Variants in TAF1 observed in about 807,000 individuals in gnomAD.
TAF1 encodes transcription initiation factor TFIID subunit 1.
In TAF1, 2 loss-of-function variants were observed where a neutral mutation model predicts 138.5. The observed-to-expected ratio is 0.01, with a 90% CI of 0.01 to 0.05. The LOEUF (loss-of-function observed/expected upper bound fraction) is 0.05. TAF1 is among the 10% of genes least tolerant of loss of function. The pLI is 1.00. For missense variants in TAF1, 709 were observed against 1,478.0 expected (o/e 0.48, Z 8.53); for synonymous variants, 437 against 503.2 (o/e 0.87, Z 1.76).
chrX:71,442,266 G>T (rs2037468634), intron 32 of TAF1, among the ~76,000 whole-genome samples: 1 of 112,313 alleles, frequency 8.9e-6, no homozygotes, highest in Non-Finnish European at 1.9e-5. Context: ...GATTGAACTG[G>T]TTTACATTCC....
chrX:71,460,529 T>C (rs1414580711), intron 36 of TAF1, 97 bp from the exon 37 acceptor site: 3 of 991,337 alleles, frequency 3.0e-6, no homozygotes, highest in Middle Eastern at 2.6e-4. Flanking sequence ...CCTGTGTAGA[T>C]GTGTGAGAGT....
In TAF1 at chrX:71,420,184, A is replaced by G. The variant is rs764112245; in HGVS notation, c.4385-1125A>G. ...TGGAATCGAGAGAGGGAACTGCTGT[A>G]GTTGGTGGTCCGGGCATGGTAGCGG... is the stretch of plus-strand genomic sequence containing the variant. On this transcript the variant is annotated intron_variant, in intron 28 of 37. Coordinates refer to ENST00000423759, the MANE Select transcript of TAF1 (RefSeq NM_004606.5). 53 of 551,074 alleles carry G rather than the reference A, an allele frequency of 9.6e-5. No homozygotes were observed. In the South Asian group the frequency reaches 1.1e-3, roughly 12 times the overall value. The allele number at this position is 551,074 out of a possible 1,213,427, so 45.4% of individuals were successfully genotyped here. A position where few individuals can be genotyped will look rare whatever the true frequency, so the allele number is the denominator to read the frequency against.
chrX:71,421,115 A>G (rs1569328763), intron 28 of TAF1, among the ~76,000 whole-genome samples, 194 bp from the exon 29 acceptor site: 1 of 112,849 alleles, frequency 8.9e-6, no homozygotes, highest in Admixed American at 9.4e-5. Flanking sequence ...TAGTTTATTC[A>G]TTCATATTGT....
intron 13 of TAF1, among the ~76,000 whole-genome samples, chrX:71,524,675 G>T (rs1161153160): frequency 9.1e-6 from 1 of 109,407 alleles, no homozygotes; most frequent in Admixed American, 9.8e-5. Flanking sequence ...GGGTGTGGTG[G>T]CTCACGCCTG....
At chrX:71,456,831 A>G (rs932206673) in intron 34 of TAF1, among the ~76,000 whole-genome samples, 1 of 107,672 alleles carries the variant, frequency 9.3e-6, no homozygotes, top group Non-Finnish European at 1.9e-5. Context: ...ATGGGCCATT[A>G]CGCCTGGCTA....
chrX:71,482,897 T>A (rs887852452), intron 13 of TAF1, among the ~76,000 whole-genome samples: 1 of 112,223 alleles, frequency 8.9e-6, no homozygotes, highest in Non-Finnish European at 1.9e-5. Flanking sequence ...ATCAACTAGG[T>A]TTATGTAATA....
Position 71,383,072 on chromosome X carries a change from C to G in TAF1, c.1855C>G (p.Pro619Ala), listed in dbSNP as rs1210755235. The G allele has an allele frequency of 2.5e-6, 3 of 1,209,330 alleles. No individual in the cohort carries two copies. In the African/African-American group the frequency reaches 5.3e-5, roughly 21 times the overall value. Residue 619 changes from proline to alanine, a missense_variant, in exon 12 of 38, where the codon CCA becomes GCA. Physicochemically the swap from Pro to Ala is conservative, Grantham distance 27 (BLOSUM62 -1). Transcript: ENST00000423759. The stretch of plus-strand genomic sequence containing the variant: ...CATCAAACTCCGGCAGTTCCATCGC[C>G]CACCTCTGAAAAAGTACTCATTTGG... ...GPIKLRQFHR[P>A]PLKKYSFGAL...
At chrX:71,472,663 G>T (rs1278193368) in intron 13 of TAF1, among the ~76,000 whole-genome samples, 1 of 111,686 alleles carries the variant, frequency 9.0e-6, no homozygotes, top group African/African-American at 3.3e-5. Context: ...AACTTGGGAG[G>T]CAGAGGTTGC....
intron 1 of TAF1, 122 bp from the exon 2 acceptor site, chrX:71,367,377 C>A: frequency 2.4e-6 from 2 of 823,703 alleles, no homozygotes; most frequent in Non-Finnish European, 3.5e-6. Context: ...CTTGTTTTGG[C>A]ACACTGCACA....
intron 26 of TAF1, 125 bp from the exon 27 acceptor site, chrX:71,407,449 C>T (rs760448055): frequency 1.8e-6 from 1 of 550,125 alleles, no homozygotes; most frequent in Non-Finnish European, 3.0e-6. Flanking sequence ...AACTCTTGGC[C>T]TCAAGTGGTC....
intron 25 of TAF1, among the ~76,000 whole-genome samples, chrX:71,402,894 C>T (rs377517868): frequency 3.6e-5 from 4 of 111,025 alleles, no homozygotes; most frequent in Non-Finnish European, 7.5e-5. Context: ...CTCATTTAGT[C>T]TTCCCTAGTT....
At chrX:71,397,695 C>A (rs1721272369) in intron 23 of TAF1, among the ~76,000 whole-genome samples, 2 of 110,952 alleles carry the variant, frequency 1.8e-5, no homozygotes, top group Non-Finnish European at 3.8e-5. Flanking sequence ...GTTGACCAGG[C>A]TGGTGTTGAA....
At chrX:71,366,633 G>T in intron 1 of TAF1, 139 bp downstream of exon 1, 1 of 651,483 alleles carries the variant, frequency 1.5e-6, no homozygotes, top group East Asian at 3.6e-5. Flanking sequence ...CGTCCTCATG[G>T]GTGCGGGAGC....
At chrX:71,440,872 G>T (rs1416429022) in intron 32 of TAF1, among the ~76,000 whole-genome samples, 1 of 110,188 alleles carries the variant, frequency 9.1e-6, no homozygotes, top group Non-Finnish European at 1.9e-5. Flanking sequence ...TAATGATGTT[G>T]GGCATCTTTT....
At chrX:71,499,268 C>T (rs779457854) in intron 13 of TAF1, among the ~76,000 whole-genome samples, 1 of 111,723 alleles carries the variant, frequency 9.0e-6, no homozygotes, top group Admixed American at 9.5e-5. Context: ...TGTCTGAGGG[C>T]CATGACTAAG....
chrX:71,476,476 A>G, intron 13 of TAF1, among the ~76,000 whole-genome samples: 2 of 109,663 alleles, frequency 1.8e-5, no homozygotes, highest in Middle Eastern at 4.7e-3. Context: ...TCTCTACAAA[A>G]AACACATACA....
At chrX:71,508,895 C>T (rs1030103124) in intron 13 of TAF1, among the ~76,000 whole-genome samples, 3 of 109,363 alleles carry the variant, frequency 2.7e-5, no homozygotes, top group African/African-American at 1.0e-4. Context: ...CAACTTCCAC[C>T]TCCTGGGCTC....
intron 13 of TAF1, among the ~76,000 whole-genome samples, chrX:71,481,317 G>A (rs1256017535): frequency 1.8e-5 from 2 of 111,888 alleles, no homozygotes; most frequent in Non-Finnish European, 3.8e-5. Context: ...GTAACCATTG[G>A]ACTGATATTT....
chrX:71,408,363 G>C lies in TAF1; in HGVS notation c.4384+212G>C, dbSNP rs28382192. Among the ~76,000 whole-genome samples the C allele has an allele frequency of 3.4e-3, 377 of 110,550 alleles. 2 individuals carry two copies. The highest frequency in any genetic ancestry group is 0.012 in the African/African-American group (354 of 30,453). ...GGGGGTTGGAGTCTCTGTCATCCAG[G>C]CTGGAGTGCAGTGGCGCAATCTTGG... is the stretch of plus-strand genomic sequence containing the variant. On this transcript the variant is annotated intron_variant, in intron 28 of 37. Coordinates refer to ENST00000423759, the MANE Select transcript of TAF1 (RefSeq NM_004606.5).
Sources: allele counts gnomAD v4.1 joint callset (sites outside exome capture counted in the v4.1 genomes callset), GRCh38; gene constraint gnomAD v4.1.1; transcripts MANE v1.5; gene names NCBI Gene and HGNC (gene_info 2026-07-23, HGNC 2026-07-21).